MAP2: variants seen among roughly 807,000 people sequenced by gnomAD.
MAP2 encodes the protein microtubule associated protein 2.
Under a neutral mutation model 137.6 loss-of-function variants are expected in MAP2, and 14 were observed. The observed-to-expected ratio is 0.10, with a 90% CI of 0.07 to 0.16. The LOEUF is 0.16. MAP2 is among the 10% of genes least tolerant of loss of function. The pLI is 1.00. For synonymous variants in MAP2, 786 were observed against 782.3 expected (o/e 1.00, Z -0.08); for missense variants, 2,088 against 2,191.5 (o/e 0.95, Z 0.94).
chr2:209,606,686 A>G (rs1265018615), intron 3 of MAP2, among the ~76,000 whole-genome samples: 1 of 152,214 alleles, frequency 6.6e-6, no homozygotes, highest in Admixed American at 6.5e-5. Context: ...TTTTGATGAC[A>G]TTATTTTGAA....
At chr2:209,488,096 A>G (rs940382221) in intron 1 of MAP2, among the ~76,000 whole-genome samples, 3 of 152,188 alleles carry the variant, frequency 2.0e-5, no homozygotes, top group African/African-American at 7.2e-5. Flanking sequence ...GTTCATCTCA[A>G]TGGGACTAGT....
chr2:209,595,424 G>C lies in MAP2; in HGVS notation c.-107+15324G>C, dbSNP rs575651967. On this transcript the variant is annotated intron_variant, in intron 3 of 15. Transcript: ENST00000682079. The stretch of plus-strand genomic sequence containing the variant: ...TAAAAGGAGATACTATCTCACACCA[G>C]TTAGAATGGTGATCATTAAAAAGTC... Among the ~76,000 whole-genome samples the C allele has an allele frequency of 5.3e-5, 8 of 152,314 alleles. No individual in the cohort carries two copies. The East Asian group carries it at 1.5e-3, about 29-fold the overall frequency.
chr2:209,556,937 A>G (rs186414897), intron 2 of MAP2, among the ~76,000 whole-genome samples: 95 of 152,186 alleles, frequency 6.2e-4, no homozygotes, highest in African/African-American at 1.7e-3. Flanking sequence ...ATGGAAATAC[A>G]GAGTTAAGTG....
intron 1 of MAP2, among the ~76,000 whole-genome samples, chr2:209,436,858 C>T (rs576624648): frequency 2.0e-5 from 3 of 151,732 alleles, no homozygotes; most frequent in Admixed American, 6.6e-5. Context: ...CATACACTAA[C>T]ATTTTCATGC....
At chr2:209,683,945 A>G (rs1583342703) in intron 7 of MAP2, among the ~76,000 whole-genome samples, 1 of 152,228 alleles carries the variant, frequency 6.6e-6, no homozygotes, top group Non-Finnish European at 1.5e-5. Flanking sequence ...GTTAATTACT[A>G]TAATTTATGA....
intron 2 of MAP2, among the ~76,000 whole-genome samples, chr2:209,575,518 CAAAAA>C (rs71043942): frequency 1.1e-4 from 3 of 28,384 alleles, no homozygotes; most frequent in African/African-American, 1.7e-4. Flanking sequence ...GACTCCATCT[CAAAAA>C]AAAAAAAAAA....
chr2:209,729,164 A>G (rs905877959), intron 14 of MAP2, among the ~76,000 whole-genome samples: 2 of 152,200 alleles, frequency 1.3e-5, no homozygotes, highest in Admixed American at 1.3e-4. Context: ...ATTAGGGAAA[A>G]TGGCATGGTC....
At chr2:209,707,437 G>A (rs943890774) in intron 12 of MAP2, among the ~76,000 whole-genome samples, 3 of 152,020 alleles carry the variant, frequency 2.0e-5, no homozygotes, top group Non-Finnish European at 1.5e-5. Context: ...TTCTACTTGT[G>A]CACCATCCCC....
At chr2:209,510,548 A>G (rs927574444) in intron 2 of MAP2, among the ~76,000 whole-genome samples, 1 of 152,096 alleles carries the variant, frequency 6.6e-6, no homozygotes, top group Non-Finnish European at 1.5e-5. Context: ...TTATATACCA[A>G]TATACACTTC....
rs1300623376 is a variant in MAP2 at position 209,580,396 on chromosome 2, C to CTCCA, written c.-107+299_-107+302dup. Among the ~76,000 whole-genome samples, 3 of 152,080 alleles carry CTCCA rather than the reference C, an allele frequency of 2.0e-5. No individual in the cohort carries two copies. The East Asian group carries it at 5.8e-4, about 29-fold the overall frequency. On this transcript the variant is annotated intron_variant, in intron 3 of 15. Coordinates refer to ENST00000682079, the MANE Select transcript of MAP2 (RefSeq NM_001375505.1). ...AATGTTTTTTTTAAAGTCCAAAATT[C>CTCCA]TCCATCTAAATGAAAATTCATTAAT... is the stretch of plus-strand genomic sequence containing the variant.
chr2:209,596,926 A>G (rs1240302099), intron 3 of MAP2, among the ~76,000 whole-genome samples: 1 of 152,196 alleles, frequency 6.6e-6, no homozygotes, highest in Non-Finnish European at 1.5e-5. Flanking sequence ...TCCTCAGTAA[A>G]AATAGGACTC....
intron 5 of MAP2, among the ~76,000 whole-genome samples, chr2:209,668,198 A>T (rs1424501849): frequency 6.6e-6 from 1 of 152,070 alleles, no homozygotes; most frequent in African/African-American, 2.4e-5. Context: ...GTTCTTTGGC[A>T]AGTATAGGTA....
intron 3 of MAP2, among the ~76,000 whole-genome samples, chr2:209,592,328 G>A (rs2079482840): frequency 6.6e-6 from 1 of 152,110 alleles, no homozygotes; most frequent in South Asian, 2.1e-4. Context: ...AAAACAGATG[G>A]TGGCTGTATT....
chr2:209,489,689 A>G (rs547778038), intron 1 of MAP2, among the ~76,000 whole-genome samples: 121 of 152,326 alleles, frequency 7.9e-4, no homozygotes, highest in African/African-American at 2.7e-3. Context: ...AAGAAAGGAT[A>G]TCAGAGATTG....
At chr2:209,431,506 A>G (rs1694273165) in intron 1 of MAP2, among the ~76,000 whole-genome samples, 1 of 152,154 alleles carries the variant, frequency 6.6e-6, no homozygotes, top group South Asian at 2.1e-4. Context: ...CTTGCTATTT[A>G]TATATGAATT....
intron 4 of MAP2, among the ~76,000 whole-genome samples, chr2:209,646,454 G>C (rs2094430118): frequency 6.6e-6 from 1 of 152,072 alleles, no homozygotes; most frequent in Admixed American, 6.6e-5. Flanking sequence ...TAAGATTTTA[G>C]AATTTTTAAA....
At chr2:209,645,625 T>C (rs2153588966) in intron 4 of MAP2, among the ~76,000 whole-genome samples, 1 of 152,314 alleles carries the variant, frequency 6.6e-6, no homozygotes, top group South Asian at 2.1e-4. Flanking sequence ...AAATAAGCTA[T>C]TGTGTGCTAA....
intron 1 of MAP2, among the ~76,000 whole-genome samples, chr2:209,454,573 G>C (rs758504863): frequency 1.3e-5 from 2 of 152,136 alleles, no homozygotes; most frequent in African/African-American, 4.8e-5. Flanking sequence ...CTGACCTCAA[G>C]TGATCCATCC....
chr2:209,695,421 C>T lies in MAP2; in HGVS notation c.3251C>T (p.Ala1084Val). The change falls in exon 8 of 16, where the codon GCA (alanine) becomes GTA (valine). Residue 1084 changes from alanine (A) to valine (V), a missense_variant. By Grantham distance (64) the Ala-to-Val change is moderately conservative (BLOSUM62 0). This residue lies in a region of MAP2 where 500 missense variants were observed against 482.9 expected (regional missense o/e 1.04). Coordinates refer to ENST00000682079, the MANE Select transcript of MAP2 (RefSeq NM_001375505.1). Reference sequence around the variant, plus strand: ...CAGGACATGACCCCCTCATCCAAAGCACCGCAGGAGGCAGATGCATTTATG... The same window carrying T: ...CAGGACATGACCCCCTCATCCAAAGTACCGCAGGAGGCAGATGCATTTATG... ...ATQDMTPSSK[A>V]PQEADAFMGV... is the part of the protein sequence containing the mutation. The T allele has an allele frequency of 6.2e-7, 1 of 1,613,018 alleles. No individual in the cohort carries two copies. Among genetic ancestry groups the T allele is most frequent in the Non-Finnish European group, 8.5e-7 (1 of 1,179,552 alleles).
Sources: allele counts gnomAD v4.1 joint callset (sites outside exome capture counted in the v4.1 genomes callset), GRCh38; gene constraint gnomAD v4.1.1; regional missense constraint gnomAD v4.1.1; transcripts MANE v1.5; gene names NCBI Gene and HGNC (gene_info 2026-07-23, HGNC 2026-07-21).